The following BCHE variants were observed in gnomAD, a reference collection of about 807,000 sequenced individuals.
BCHE encodes cholinesterase.
Under a neutral mutation model 51.3 loss-of-function variants are expected in BCHE, and 48 were observed. The ratio of observed to expected loss-of-function variants is 0.94; its 90% CI spans 0.74 to 1.19. The LOEUF is 1.19. BCHE is among the 50% of genes most tolerant of loss of function. The probability of loss-of-function intolerance (pLI) is 0.00; values close to 1 mark genes in which losing one functional copy is unlikely to be tolerated. For missense variants in BCHE, 847 were observed against 708.2 expected (o/e 1.20, Z -2.23); for synonymous variants, 251 against 238.0 (o/e 1.05, Z -0.50).
At chr3:165,832,347 C>T (rs1715020852) in intron 1 of BCHE, among the ~76,000 whole-genome samples, 2 of 152,116 alleles carry the variant, frequency 1.3e-5, no homozygotes, top group African/African-American at 4.8e-5. Context: ...AGCTAGAGTG[C>T]AGTGGTGTGA....
At chr3:165,810,100 C>T (rs1714036553) in intron 2 of BCHE, among the ~76,000 whole-genome samples, 2 of 152,084 alleles carry the variant, frequency 1.3e-5, no homozygotes, top group South Asian at 4.1e-4. Flanking sequence ...AATTCTTTAA[C>T]ATCAGTTACA....
At position 165,835,561 on chromosome 3, in the gene BCHE, T is replaced by C. The variant is rs143822466; in HGVS notation, c.-9+1753A>G. On this transcript the variant is annotated intron_variant, in intron 1 of 3. Coordinates refer to ENST00000264381, the MANE Select transcript of BCHE (RefSeq NM_000055.4). The stretch of plus-strand genomic sequence containing the variant: ...TAGAACAAGCTCTCTTAAATGTATT[T>C]GAAGAAATTGGAACAACGACGTCTT... 5.4e-3 allele frequency among the ~76,000 whole-genome samples: 823 copies of C among 152,006 alleles called. 3 individuals carry two copies. The highest frequency in any genetic ancestry group is 8.8e-3 in the Non-Finnish European group (599 of 67,814).
At chr3:165,791,465 A>C (rs1713162037) in intron 2 of BCHE, among the ~76,000 whole-genome samples, 1 of 152,158 alleles carries the variant, frequency 6.6e-6, no homozygotes, top group Non-Finnish European at 1.5e-5. Context: ...AGTGGCAGAA[A>C]TTGAAATAAT....
intron 2 of BCHE, among the ~76,000 whole-genome samples, chr3:165,820,879 T>C (rs1418858367): frequency 6.6e-6 from 1 of 152,050 alleles, no homozygotes; most frequent in Non-Finnish European, 1.5e-5. Context: ...TTTGTAAGCA[T>C]ACTTAATGAC....
At chr3:165,800,767 A>G (rs1713605807) in intron 2 of BCHE, among the ~76,000 whole-genome samples, 1 of 152,124 alleles carries the variant, frequency 6.6e-6, no homozygotes, top group African/African-American at 2.4e-5. Context: ...GTTAGTCAAT[A>G]ATTGAATTTT....
At chr3:165,831,079 T>G in intron 1 of BCHE, 38 bp from the exon 2 acceptor site, 3 of 1,492,938 alleles carry the variant, frequency 2.0e-6, no homozygotes, top group Non-Finnish European at 2.8e-6. Flanking sequence ...ATAAGCCTTC[T>G]GCATATAGCA....
At chr3:165,823,934 C>CTTTTTTT (rs33928098) in intron 2 of BCHE, among the ~76,000 whole-genome samples, 1 of 132,742 alleles carries the variant, frequency 7.5e-6, no homozygotes, top group Non-Finnish European at 1.6e-5. Context: ...ACCCAACCAA[C>CTTTTTTT]TTTTTTTTTT....
At chr3:165,804,178 G>C (rs538177984) in intron 2 of BCHE, among the ~76,000 whole-genome samples, 1 of 152,000 alleles carries the variant, frequency 6.6e-6, no homozygotes, top group Non-Finnish European at 1.5e-5. Flanking sequence ...AAGTGACTTC[G>C]CAACATGGAA....
Position 165,830,569 on chromosome 3 carries a change from A to G in BCHE, c.465T>C (p.Val155=), listed in dbSNP as rs200478369. Residue 155 remains valine (V), a synonymous_variant, in exon 2 of 4, where the codon GTT becomes GTC. Coordinates refer to ENST00000264381, the MANE Select transcript of BCHE (RefSeq NM_000055.4). ...GFQTGTSSLH[V]YDGKFLARVE... Reference sequence around the variant, plus strand: ...CCCGAGCCAGAAACTTGCCATCATAAACATGTAAAGATGATGTTCCAGTTT... The same window carrying G: ...CCCGAGCCAGAAACTTGCCATCATAGACATGTAAAGATGATGTTCCAGTTT... 2.5e-6 allele frequency: 4 copies of G among 1,613,982 alleles called. No individual in the cohort carries two copies. Among genetic ancestry groups the G allele is most frequent in the Non-Finnish European group, 3.4e-6 (4 of 1,179,950 alleles).
At chr3:165,814,345 A>C (rs1714224149) in intron 2 of BCHE, among the ~76,000 whole-genome samples, 1 of 152,146 alleles carries the variant, frequency 6.6e-6, no homozygotes, top group Admixed American at 6.6e-5. Flanking sequence ...TAAGAAGATA[A>C]AATGAAAGAA....
chr3:165,800,922 TATC>T (rs551856752), intron 2 of BCHE, among the ~76,000 whole-genome samples: 285 of 152,300 alleles, frequency 1.9e-3, no homozygotes, highest in African/African-American at 6.7e-3. Flanking sequence ...TATGTAGTAA[TATC>T]ATCTATGAAG....
intron 2 of BCHE, among the ~76,000 whole-genome samples, chr3:165,807,004 G>C (rs1037553423): frequency 6.6e-6 from 1 of 151,936 alleles, no homozygotes; most frequent in African/African-American, 2.4e-5. Flanking sequence ...AACTATGATC[G>C]ATCATATTTT....
At chr3:165,832,057 C>A (rs570788961) in intron 1 of BCHE, among the ~76,000 whole-genome samples, 8 of 152,140 alleles carry the variant, frequency 5.3e-5, no homozygotes, top group Non-Finnish European at 1.0e-4. Context: ...AGCTTAGAAA[C>A]TATTGGGCCA....
intron 2 of BCHE, among the ~76,000 whole-genome samples, chr3:165,797,137 C>A (rs76239219): frequency 0.079 from 10,843 of 137,748 alleles, 477 homozygotes; most frequent in African/African-American, 0.11. Flanking sequence ...CCCTTCCTTC[C>A]TTCCCTCCTT....
chr3:165,791,244 G>A (rs1445993017), intron 2 of BCHE, among the ~76,000 whole-genome samples: 2 of 150,954 alleles, frequency 1.3e-5, no homozygotes, highest in East Asian at 2.0e-4. Flanking sequence ...GCAATGAGCC[G>A]AGATCACACC....
intron 2 of BCHE, among the ~76,000 whole-genome samples, chr3:165,799,145 T>G (rs565135815): frequency 6.6e-6 from 1 of 152,254 alleles, no homozygotes; most frequent in Non-Finnish European, 1.5e-5. Flanking sequence ...TCTATTTTAT[T>G]TGAAATCTTT....
chr3:165,814,743 G>A (rs1011585144), intron 2 of BCHE, among the ~76,000 whole-genome samples: 4 of 151,990 alleles, frequency 2.6e-5, no homozygotes, highest in Admixed American at 2.0e-4. Context: ...CTACTTCCTA[G>A]TCTCTTTAGT....
chr3:165,811,692 TG>T, intron 2 of BCHE, among the ~76,000 whole-genome samples: 1 of 152,170 alleles, frequency 6.6e-6, no homozygotes, highest in Non-Finnish European at 1.5e-5. Flanking sequence ...TAATATTTCC[TG>T]AGCAAGATGA....
chr3:165,778,353 A>G (rs970730156), intron 3 of BCHE: 4 of 158,850 alleles, frequency 2.5e-5, no homozygotes, highest in African/African-American at 9.6e-5. Context: ...TGTTGATGCC[A>G]TATAATATTC....
Sources: gnomAD v4.1 joint callset for allele counts (sites outside exome capture counted in the v4.1 genomes callset) on GRCh38, gnomAD v4.1.1 for gene constraint, MANE v1.5 for transcripts, NCBI Gene and HGNC (gene_info 2026-07-23, HGNC 2026-07-21) for gene names.